Variants in THSD7B observed in about 807,000 individuals in gnomAD.
THSD7B encodes the protein thrombospondin type 1 domain containing 7B.
Under a neutral mutation model 213.6 loss-of-function variants are expected in THSD7B, and 138 were observed. That is an observed-to-expected ratio of 0.65 (90% CI 0.56 to 0.74). The LOEUF is 0.74. Ranked by LOEUF, THSD7B falls within the 30% of genes least tolerant of loss-of-function variation. The pLI is 0.00. For synonymous variants in THSD7B, 742 were observed against 687.0 expected, an observed-to-expected ratio of 1.08 and a Z score of -1.25; for missense variants, 1,931 against 1,991.5, an observed-to-expected ratio of 0.97 and a Z score of 0.58.
At chr2:136,811,656 G>A (rs368285734) in intron 1 of THSD7B, among the ~76,000 whole-genome samples, 195 of 152,274 alleles carry the variant, frequency 1.3e-3, no homozygotes, top group South Asian at 0.012. Context: ...CATTTCAGTA[G>A]TTGAACCTAG....
chr2:137,250,163 C>G (rs1232617671), intron 10 of THSD7B, among the ~76,000 whole-genome samples: 1 of 152,146 alleles, frequency 6.6e-6, no homozygotes, highest in East Asian at 1.9e-4. Flanking sequence ...CATAGTTTTG[C>G]TTTATTTCAC....
rs1309086943 is a variant in THSD7B at position 137,677,432 on chromosome 2, A to G, written c.*827A>G. ...CCACACACAGTTGTAATTCAGTTTA[A>G]TGATGACAAACTCTGCTTTTGTAAT... is the stretch of plus-strand genomic sequence containing the variant. On this transcript the variant is annotated 3_prime_UTR_variant, in exon 28 of 28. Coordinates refer to ENST00000409968, the MANE Select transcript of THSD7B (RefSeq NM_001316349.2). The G allele has an allele frequency of 6.6e-6, 1 of 152,442 alleles. No homozygotes were observed. Among genetic ancestry groups the G allele is most frequent in the Non-Finnish European group, 1.5e-5 (1 of 68,042 alleles). 9.4% of individuals were successfully genotyped at this position (152,442 alleles called of 1,614,324 possible). A position where few individuals can be genotyped will look rare whatever the true frequency, so the allele number is the denominator to read the frequency against.
chr2:136,918,921 TG>T (rs1336595174), intron 2 of THSD7B, among the ~76,000 whole-genome samples: 4 of 152,210 alleles, frequency 2.6e-5, no homozygotes, highest in African/African-American at 9.6e-5. Context: ...TTCTCTACAC[TG>T]GGAAGTCCTG....
At chr2:137,357,191 T>C (rs1330134039) in intron 12 of THSD7B, among the ~76,000 whole-genome samples, 1 of 152,174 alleles carries the variant, frequency 6.6e-6, no homozygotes, top group East Asian at 1.9e-4. Flanking sequence ...GGAAAGTCAC[T>C]TTTAAGGAAA....
At chr2:137,255,236 C>A (rs762918814) in intron 10 of THSD7B, among the ~76,000 whole-genome samples, 1 of 152,170 alleles carries the variant, frequency 6.6e-6, no homozygotes, top group Non-Finnish European at 1.5e-5. Flanking sequence ...CAGAATTAGA[C>A]AGGCTTTCCT....
At chr2:136,976,247 A>G (rs1292423600) in intron 2 of THSD7B, among the ~76,000 whole-genome samples, 6 of 152,316 alleles carry the variant, frequency 3.9e-5, no homozygotes, top group Middle Eastern at 3.4e-3. Context: ...GCCTTGTGCC[A>G]GTTTTCAAGG....
intron 14 of THSD7B, among the ~76,000 whole-genome samples, chr2:137,443,599 G>C (rs1252040966): frequency 6.6e-6 from 1 of 151,940 alleles, no homozygotes; most frequent in Non-Finnish European, 1.5e-5. Context: ...AGAACATTCT[G>C]GGCCATAGTA....
intron 12 of THSD7B, among the ~76,000 whole-genome samples, chr2:137,284,793 A>T (rs960145188): frequency 2.6e-5 from 4 of 152,040 alleles, no homozygotes; most frequent in Non-Finnish European, 4.4e-5. Flanking sequence ...GTTCTTTTAC[A>T]TTTGCTGAGG....
intron 1 of THSD7B, among the ~76,000 whole-genome samples, chr2:136,860,770 C>T (rs746068629): frequency 1.3e-5 from 2 of 152,174 alleles, no homozygotes; most frequent in East Asian, 1.9e-4. Flanking sequence ...AGTCACATGA[C>T]GTCACTGTTC....
intron 5 of THSD7B, among the ~76,000 whole-genome samples, chr2:137,140,281 A>G (rs1251821999): frequency 6.6e-6 from 1 of 152,170 alleles, no homozygotes; most frequent in African/African-American, 2.4e-5. Flanking sequence ...CTTAATATCC[A>G]TGGTATAAAT....
chr2:137,658,340 G>A (rs1683277785), intron 24 of THSD7B, among the ~76,000 whole-genome samples: 1 of 152,152 alleles, frequency 6.6e-6, no homozygotes, highest in Non-Finnish European at 1.5e-5. Context: ...TAGGAGCTTT[G>A]CTATCAATTC....
intron 14 of THSD7B, among the ~76,000 whole-genome samples, chr2:137,412,860 C>A (rs1383308390): frequency 6.6e-6 from 1 of 150,406 alleles, no homozygotes; most frequent in Non-Finnish European, 1.5e-5. Context: ...TACAATGGAG[C>A]CTCTGAATTT....
intron 2 of THSD7B, among the ~76,000 whole-genome samples, chr2:136,964,761 G>A (rs1461237379): frequency 6.6e-6 from 1 of 152,078 alleles, no homozygotes; most frequent in Non-Finnish European, 1.5e-5. Context: ...CCAGCACTTT[G>A]GGAGGCCGAG....
rs190835019 is a variant in THSD7B at position 137,418,612 on chromosome 2, T to C, written c.2959+6740T>C. Among the ~76,000 whole-genome samples, 368 of 152,320 alleles carry C rather than the reference T, an allele frequency of 2.4e-3. 1 individual carries two copies. Among genetic ancestry groups the C allele is most frequent in the African/African-American group, 8.4e-3 (348 of 41,584 alleles). ...ATAGGTTAATGTTAACTAGAGTCACTCTACTGATCTATTGAAAACCAGATT... is the reference window on the plus strand; with the variant it reads ...ATAGGTTAATGTTAACTAGAGTCACCCTACTGATCTATTGAAAACCAGATT... On this transcript the variant is annotated intron_variant, in intron 14 of 27. Coordinates refer to ENST00000409968, the MANE Select transcript of THSD7B (RefSeq NM_001316349.2).
At chr2:137,205,186 C>A (rs1680959893) in intron 7 of THSD7B, among the ~76,000 whole-genome samples, 1 of 151,954 alleles carries the variant, frequency 6.6e-6, no homozygotes, top group Non-Finnish European at 1.5e-5. Context: ...GATAGAGTGC[C>A]AGTGAAGGTG....
At chr2:137,391,424 C>A (rs1350911283) in intron 12 of THSD7B, among the ~76,000 whole-genome samples, 1 of 152,112 alleles carries the variant, frequency 6.6e-6, no homozygotes, top group African/African-American at 2.4e-5. Context: ...TGCAGTGGCT[C>A]ATGCCTGTAA....
intron 10 of THSD7B, among the ~76,000 whole-genome samples, chr2:137,270,173 G>GA (rs398104742): frequency 4.4e-5 from 1 of 22,888 alleles, no homozygotes; most frequent in East Asian, 0.056. Flanking sequence ...GCAATACAGA[G>GA]ATGGAATCTG....
At chr2:137,497,050 T>C (rs1679584459) in intron 15 of THSD7B, among the ~76,000 whole-genome samples, 1 of 152,142 alleles carries the variant, frequency 6.6e-6, no homozygotes, top group Non-Finnish European at 1.5e-5. Flanking sequence ...GGGATTGTAA[T>C]TCAAAACAGG....
At chr2:137,369,287 G>T (rs1416250455) in intron 12 of THSD7B, among the ~76,000 whole-genome samples, 1 of 152,076 alleles carries the variant, frequency 6.6e-6, no homozygotes, top group Non-Finnish European at 1.5e-5. Flanking sequence ...AGAATAAAAT[G>T]AGATTATTTT....
Sources: allele counts gnomAD v4.1 joint callset (sites outside exome capture counted in the v4.1 genomes callset), GRCh38; gene constraint gnomAD v4.1.1; transcripts MANE v1.5; gene names NCBI Gene and HGNC (gene_info 2026-07-23, HGNC 2026-07-21).